Variants in H2BC17 observed in about 807,000 individuals in gnomAD.
H2BC17 encodes histone H2B type 1-O.
H2BC17 carries 11 observed loss-of-function variants against 6.1 expected under a neutral mutation model. The ratio of observed to expected loss-of-function variants is 1.79; its 90% CI spans 1.13 to 2.97. The LOEUF (loss-of-function observed/expected upper bound fraction) is 2.97, where lower values mean the gene tolerates loss of function less well. Ranked by LOEUF, H2BC17 falls within the 30% of genes most tolerant of loss-of-function variation. The pLI is 0.00. For missense variants in H2BC17, 171 were observed against 171.6 expected, an observed-to-expected ratio of 1.00 and a Z score of 0.02; for synonymous variants, 103 against 74.5, an observed-to-expected ratio of 1.38 and a Z score of -1.97.
chr6:27,893,523 A>T lies in H2BC17; in HGVS notation c.61A>T (p.Lys21Ter). The T allele has an allele frequency of 5.6e-6, 9 of 1,614,068 alleles. No homozygotes were observed. Among genetic ancestry groups the T allele is most frequent in the Non-Finnish European group, 5.9e-6 (7 of 1,179,976 alleles). The change falls in exon 1 of 1, where the codon AAG (lysine) becomes TAG (stop). Residue 21 changes from lysine to a stop codon, truncating the protein, a stop_gained. Transcript: ENST00000616182. LOFTEE classifies it high-confidence loss of function. Reference protein sequence around the residue: ...PKKGSKKAVTKAQKKDGKKRK... With the variant: ...PKKGSKKAVT ...AAAGGGCTCCAAGAAAGCCGTAACC[A>T]AGGCCCAGAAAAAGGACGGCAAGAA...
rs927292005 is a variant in H2BC17, at chr6:27,893,546, G to A, written c.84G>A (p.Lys28=). The A allele has an allele frequency of 6.2e-7, 1 of 1,614,250 alleles. No individual in the cohort carries two copies. The highest frequency in any genetic ancestry group is 8.5e-7 in the Non-Finnish European group (1 of 1,180,050). Residue 28 remains lysine (K), a synonymous_variant, in exon 1 of 1, where the codon AAG becomes AAA. Transcript: ENST00000616182. ...AVTKAQKKDG[K]KRKRSRKESY... ...CCAAGGCCCAGAAAAAGGACGGCAA[G>A]AAGCGCAAGCGCAGCCGCAAAGAGA...
rs1215320496 is a variant in H2BC17, at chr6:27,893,549, G to A, written c.87G>A (p.Lys29=). Residue 29 remains lysine, a synonymous_variant, in exon 1 of 1, where the codon AAG becomes AAA. Coordinates refer to ENST00000616182, the MANE Select transcript of H2BC17 (RefSeq NM_003527.4). Reference sequence around the variant, plus strand: ...AGGCCCAGAAAAAGGACGGCAAGAAGCGCAAGCGCAGCCGCAAAGAGAGTT... The same window carrying A: ...AGGCCCAGAAAAAGGACGGCAAGAAACGCAAGCGCAGCCGCAAAGAGAGTT... ...VTKAQKKDGK[K]RKRSRKESYS... The A allele has an allele frequency of 6.2e-7, 1 of 1,614,240 alleles. No homozygotes were observed. Among genetic ancestry groups the A allele is most frequent in the Non-Finnish European group, 8.5e-7 (1 of 1,180,050 alleles).
Position 27,893,885 on chromosome 6 carries a change from C to T in H2BC17, c.*42C>T, listed in dbSNP as rs775082500. 4 of 1,611,544 alleles carry T rather than the reference C, an allele frequency of 2.5e-6. No homozygotes were observed. The highest frequency in any genetic ancestry group is 3.4e-6 in the Non-Finnish European group (4 of 1,178,844). ...GCAATCCAAAGGCTCTTTTCAGAGC[C>T]ACTCACGCTTCCAGAGAAAGAGCCT... On this transcript the variant is annotated 3_prime_UTR_variant, in exon 1 of 1. Coordinates refer to ENST00000616182, the MANE Select transcript of H2BC17 (RefSeq NM_003527.4).
In H2BC17 at chr6:27,893,635, A is replaced by C; in HGVS notation, c.173A>C (p.Lys58Thr). 1 of 1,614,260 alleles carries C rather than the reference A, an allele frequency of 6.2e-7. No individual in the cohort carries two copies. The highest frequency in any genetic ancestry group is 1.3e-5 in the African/African-American group (1 of 75,076). ...CACCCCGACACCGGCATCTCATCGAAGGCCATGGGCATCATGAACTCCTTC... is the reference window on the plus strand; with the variant it reads ...CACCCCGACACCGGCATCTCATCGACGGCCATGGGCATCATGAACTCCTTC... ...QVHPDTGISS[K>T]AMGIMNSFVN... Residue 58 changes from lysine (K) to threonine (T), a missense_variant, in exon 1 of 1, where the codon AAG becomes ACG. By Grantham distance (78) the Lys-to-Thr change is moderately conservative. Coordinates refer to ENST00000616182, the MANE Select transcript of H2BC17 (RefSeq NM_003527.4).
Position 27,893,753 on chromosome 6 carries a change from G to C in H2BC17, c.291G>C (p.Thr97=). ...RSTITSREIQ[T]AVRLLLPGEL... ...CCATCACCTCCAGGGAGATCCAGAC[G>C]GCCGTGCGCCTGCTGCTGCCCGGGG... The change falls in exon 1 of 1, where the codon ACG becomes ACC. Residue 97 remains threonine (T), a synonymous_variant. Coordinates refer to ENST00000616182, the MANE Select transcript of H2BC17 (RefSeq NM_003527.4). 3 of 1,614,278 alleles carry C rather than the reference G, an allele frequency of 1.9e-6. No homozygotes were observed. The highest frequency in any genetic ancestry group is 2.5e-6 in the Non-Finnish European group (3 of 1,180,054).
Sources: allele counts gnomAD v4.1 joint callset, GRCh38; gene constraint gnomAD v4.1.1; transcripts MANE v1.5; gene names NCBI Gene and HGNC (gene_info 2026-07-23, HGNC 2026-07-21).